TENM2: variants seen among roughly 807,000 people sequenced by gnomAD.
The protein encoded by TENM2 is teneurin-2.
Under a neutral mutation model 245.2 loss-of-function variants are expected in TENM2, and 52 were observed. The ratio of observed to expected loss-of-function variants is 0.21; its 90% CI spans 0.17 to 0.27. TENM2 has a LOEUF of 0.27. Among genes scored for constraint, TENM2 ranks in the 10% least tolerant of loss-of-function variants. The probability of loss-of-function intolerance (pLI) is 1.00; values close to 1 mark genes in which losing one functional copy is unlikely to be tolerated. For synonymous variants in TENM2, 1,363 were observed against 1,438.9 expected (o/e 0.95, Z 1.19); for missense variants, 3,046 against 3,666.8 (o/e 0.83, Z 4.37).
intron 2 of TENM2, among the ~76,000 whole-genome samples, chr5:167,858,816 G>A (rs1227419524): frequency 1.3e-5 from 2 of 148,774 alleles, no homozygotes; most frequent in Non-Finnish European, 3.0e-5. Context: ...GGCGAGCGCC[G>A]CCCGGGAGGC....
intron 2 of TENM2, among the ~76,000 whole-genome samples, chr5:167,474,152 C>T (rs542182273): frequency 1.4e-5 from 2 of 144,484 alleles, no homozygotes; most frequent in East Asian, 3.9e-4. Context: ...ATTATGAAAA[C>T]TTTTAGAGAT....
intron 2 of TENM2, among the ~76,000 whole-genome samples, chr5:167,636,466 T>A (rs1484635244): frequency 1.3e-5 from 2 of 152,252 alleles, no homozygotes; most frequent in African/African-American, 2.4e-5. Flanking sequence ...TAATAACTCA[T>A]TGAAATGGAA....
chr5:167,428,414 C>T (rs1466153101), intron 2 of TENM2, among the ~76,000 whole-genome samples: 1 of 152,054 alleles, frequency 6.6e-6, no homozygotes, highest in African/African-American at 2.4e-5. Flanking sequence ...TTAAAAATAA[C>T]ATTTTGGTCT....
At chr5:167,375,980 A>G (rs1760725585) in intron 2 of TENM2, among the ~76,000 whole-genome samples, 1 of 152,194 alleles carries the variant, frequency 6.6e-6, no homozygotes, top group Non-Finnish European at 1.5e-5. Flanking sequence ...AATGACAAAT[A>G]GGAAGAGACT....
chr5:167,900,014 A>G (rs1414172538), intron 3 of TENM2, among the ~76,000 whole-genome samples: 2 of 149,784 alleles, frequency 1.3e-5, no homozygotes, highest in Non-Finnish European at 3.0e-5. Flanking sequence ...CTCAGAGCAC[A>G]TTCTGGATGA....
chr5:168,244,776 C>T lies in TENM2; in HGVS notation c.5817+60C>T. The T allele has an allele frequency of 4.6e-6, 5 of 1,082,510 alleles. No individual in the cohort carries two copies. The highest frequency in any genetic ancestry group is 5.2e-5 in the South Asian group (2 of 38,548). The allele number at this position is 1,082,510 out of a possible 1,614,324, so 67.1% of individuals were successfully genotyped here. On this transcript the variant is annotated intron_variant, in intron 26 of 28. Coordinates refer to ENST00000518659, the Ensembl canonical transcript of TENM2. The surrounding 1 kb of genome is among the most constrained non-coding windows in gnomAD (Gnocchi z 4.9). The stretch of plus-strand genomic sequence containing the variant: ...TCTGTTATTTCTGTTATTCCGGCTT[C>T]TTTTTTTTTTTGAGACAGAGACTTG...
chr5:167,304,548 T>C (rs1755551590), intron 1 of TENM2, among the ~76,000 whole-genome samples: 1 of 152,216 alleles, frequency 6.6e-6, no homozygotes, highest in African/African-American at 2.4e-5. Flanking sequence ...AAGAAGGCAT[T>C]GAGCTTGAGT....
At chr5:167,170,162 G>A in the TENM2 span, among the ~76,000 whole-genome samples, 1 of 152,222 alleles carries the variant, frequency 6.6e-6, no homozygotes, top group East Asian at 1.9e-4. Flanking sequence ...TTTTCAAGAA[G>A]GGATAAGCAT....
chr5:167,412,551 T>A (rs1341595141), intron 2 of TENM2, among the ~76,000 whole-genome samples: 3 of 152,126 alleles, frequency 2.0e-5, no homozygotes, highest in African/African-American at 4.8e-5. Context: ...GTGATAAGAT[T>A]ATCTATTACT....
chr5:167,853,595 G>A (rs1324128438), intron 2 of TENM2, among the ~76,000 whole-genome samples: 1 of 152,108 alleles, frequency 6.6e-6, no homozygotes, highest in Non-Finnish European at 1.5e-5. Flanking sequence ...TAAGGCAAAT[G>A]TTTATGTTTC....
At chr5:167,462,867 G>A (rs550727269) in intron 2 of TENM2, among the ~76,000 whole-genome samples, 14 of 151,994 alleles carry the variant, frequency 9.2e-5, no homozygotes, top group South Asian at 2.1e-4. Flanking sequence ...AGGGTGGAGC[G>A]TTTGCTGGAG....
chr5:167,540,193 T>A (rs1772111453), intron 2 of TENM2, among the ~76,000 whole-genome samples: 1 of 152,162 alleles, frequency 6.6e-6, no homozygotes, highest in Non-Finnish European at 1.5e-5. Context: ...ACATATTCAG[T>A]CAAATCTCCA....
chr5:167,274,666 A>G, the TENM2 span, among the ~76,000 whole-genome samples: 1 of 149,988 alleles, frequency 6.7e-6, no homozygotes, highest in Non-Finnish European at 1.5e-5. Context: ...CTTTCTGGCA[A>G]TTAGTTTTGT....
chr5:167,719,950 C>G, intron 2 of TENM2, among the ~76,000 whole-genome samples: 1 of 152,050 alleles, frequency 6.6e-6, no homozygotes, highest in East Asian at 1.9e-4. Flanking sequence ...AAACTGCACT[C>G]CACTGCATGC....
intron 2 of TENM2, among the ~76,000 whole-genome samples, chr5:167,494,880 TA>T (rs1335800046): frequency 6.6e-6 from 1 of 152,114 alleles, no homozygotes; most frequent in Non-Finnish European, 1.5e-5. Context: ...CCAACTGCAA[TA>T]ATTCATATTT....
At chr5:167,126,620 C>T in the TENM2 span, among the ~76,000 whole-genome samples, 5 of 152,114 alleles carry the variant, frequency 3.3e-5, no homozygotes, top group Non-Finnish European at 7.3e-5. Context: ...ATGCTAATGG[C>T]CTAGTAATTA....
intron 5 of TENM2, among the ~76,000 whole-genome samples, chr5:168,000,281 A>T (rs988028149): frequency 1.3e-5 from 2 of 152,194 alleles, no homozygotes; most frequent in African/African-American, 4.8e-5. Flanking sequence ...CACAACTTCT[A>T]ATGGACTGTA....
Position 167,414,528 on chromosome 5 carries a change from A to G in TENM2, c.502+39055A>G, listed in dbSNP as rs114325621. Among the ~76,000 whole-genome samples the G allele has an allele frequency of 4.9e-3, 744 of 152,084 alleles. 6 individuals carry two copies. Among genetic ancestry groups the G allele is most frequent in the African/African-American group, 0.017 (700 of 41,514 alleles). On this transcript the variant is annotated intron_variant, in intron 2 of 28. Coordinates refer to ENST00000518659, the Ensembl canonical transcript of TENM2. ...AACACTCGGCAAGTGATTTAGGGTG[A>G]TTTATGGCGTGATTTATGGAGGTAG...
the TENM2 span, among the ~76,000 whole-genome samples, chr5:167,085,020 A>G: frequency 6.6e-6 from 1 of 152,166 alleles, no homozygotes; most frequent in Admixed American, 6.6e-5. Flanking sequence ...CAGATCTCCA[A>G]ATTACTCTTT....
Sources: gnomAD v4.1 joint callset for allele counts (sites outside exome capture counted in the v4.1 genomes callset) on GRCh38, gnomAD v4.1.1 for gene constraint, Gnocchi (gnomAD v3.1) non-coding constraint, MANE v1.5 for transcripts, NCBI Gene and HGNC (gene_info 2026-07-23, HGNC 2026-07-21) for gene names.